The following ATP10A variants were observed in gnomAD, a reference collection of about 807,000 sequenced individuals.
ATP10A encodes the protein phospholipid-transporting ATPase VA.
ATP10A carries 111 observed loss-of-function variants against 147.8 expected under a neutral mutation model. The ratio of observed to expected loss-of-function variants is 0.75; its 90% confidence interval spans 0.64 to 0.88. ATP10A has a LOEUF of 0.88. Ranked by LOEUF, ATP10A falls within the 40% of genes least tolerant of loss-of-function variation. ATP10A has a pLI of 0.00. For synonymous variants in ATP10A, 875 were observed against 841.6 expected, an observed-to-expected ratio of 1.04 and a Z score of -0.69; for missense variants, 1,927 against 1,959.0, an observed-to-expected ratio of 0.98 and a Z score of 0.31.
chr15:25,855,421 A>C (rs1893469354), intron 1 of ATP10A, among the ~76,000 whole-genome samples: 1 of 152,224 alleles, frequency 6.6e-6, no homozygotes, highest in African/African-American at 2.4e-5. Context: ...GCCTTTGACA[A>C]AATCCAAAAT....
rs764238167 is a variant in ATP10A at position 25,713,995 on chromosome 15, C to T, written c.2023G>A (p.Asp675Asn). 1 of 1,609,878 alleles carries T rather than the reference C, an allele frequency of 6.2e-7. No homozygotes were observed. Among genetic ancestry groups the T allele is most frequent in the South Asian group, 1.1e-5 (1 of 91,078 alleles). ...IASNGYSSQA[D>N]NWASELAQEQ... is the part of the protein sequence containing the mutation. Reference sequence around the variant, plus strand: ...TGAGCAAGCTCCGAGGCCCAGTTGTCCGCCTGGCTGCTGTAGCCGTTGCTG... The same window carrying T: ...TGAGCAAGCTCCGAGGCCCAGTTGTTCGCCTGGCTGCTGTAGCCGTTGCTG... Residue 675 changes from aspartate to asparagine, a missense_variant, in exon 10 of 21, where the codon GAC becomes AAC. Coordinates refer to ENST00000555815, the MANE Select transcript of ATP10A (RefSeq NM_024490.4).
rs756427483 is a variant in ATP10A at position 25,727,250 on chromosome 15, T to G, written c.757A>C (p.Lys253Gln). ...FRGCIIHDNG[K>Q]KAGLYKENLL... ...TTTTCTTTATACAGCCCGGCCTTTT[T>G]CCCGTTGTCATGTATGCTGTAGAGG... Residue 253 changes from lysine to glutamine, a missense_variant, in exon 4 of 21, where the codon AAA becomes CAA. By Grantham distance (53) the Lys-to-Gln change is moderately conservative. Coordinates refer to ENST00000555815, the MANE Select transcript of ATP10A (RefSeq NM_024490.4). 4.3e-6 allele frequency: 7 copies of G among 1,613,972 alleles called. No individual in the cohort carries two copies. In the East Asian group the frequency reaches 1.6e-4, roughly 36 times the overall value.
At chr15:25,756,723 C>G (rs1261335241) in intron 2 of ATP10A, among the ~76,000 whole-genome samples, 1 of 152,204 alleles carries the variant, frequency 6.6e-6, no homozygotes, top group African/African-American at 2.4e-5. Context: ...CAGAACAACT[C>G]AAATGACTTT....
chr15:25,822,164 A>G (rs1483309793), intron 1 of ATP10A, among the ~76,000 whole-genome samples: 3 of 152,210 alleles, frequency 2.0e-5, no homozygotes, highest in Non-Finnish European at 4.4e-5. Flanking sequence ...GACAAGAAAA[A>G]AAGGTCTGTA....
In ATP10A at chr15:25,816,391, AAAGTGGAAAAATATGGAAAACC is replaced by A. The variant is rs530681033; in HGVS notation, c.450-35190_450-35169del. The stretch of plus-strand genomic sequence containing the variant: ...TTTTCTAGTTCAGTTTTTAAAATTA[AAAGTGGAAAAATATGGAAAACC>A]AAATGAAAAACTTTTTCCTTTCTGA... On this transcript the variant is annotated intron_variant, in intron 1 of 20. Transcript: ENST00000555815. Among the ~76,000 whole-genome samples the A allele has an allele frequency of 2.8e-3, 423 of 152,226 alleles. 1 individual carries two copies. The highest frequency in any genetic ancestry group is 9.8e-3 in the African/African-American group (407 of 41,528).
intron 1 of ATP10A, among the ~76,000 whole-genome samples, chr15:25,813,058 T>C (rs1891499226): frequency 6.6e-6 from 1 of 151,912 alleles, no homozygotes; most frequent in South Asian, 2.1e-4. Context: ...GCAGATGAAG[T>C]TTGTAAGGCA....
chr15:25,704,344 T>C (rs777400200), intron 12 of ATP10A, among the ~76,000 whole-genome samples: 5 of 152,204 alleles, frequency 3.3e-5, no homozygotes, highest in Admixed American at 2.0e-4. Flanking sequence ...GCTTGAAACA[T>C]AACCCAAGCA....
chr15:25,802,964 C>T (rs931875116), intron 1 of ATP10A, among the ~76,000 whole-genome samples: 5 of 152,192 alleles, frequency 3.3e-5, no homozygotes, highest in African/African-American at 1.2e-4. Context: ...CTGCATTTTA[C>T]ATATGAGGGT....
rs143082860 is a variant in ATP10A at position 25,802,580 on chromosome 15, C to T, written c.450-21357G>A. On this transcript the variant is annotated intron_variant, in intron 1 of 20. Coordinates refer to ENST00000555815, the MANE Select transcript of ATP10A (RefSeq NM_024490.4). ...CTCAGCTAAGGTGTCGGCAGGGCCA[C>T]GCTCCTTCCTGGAGTCTCAGCGGAG... 2.7e-3 allele frequency among the ~76,000 whole-genome samples: 416 copies of T among 152,316 alleles called. 4 individuals are homozygous for T. The highest frequency in any genetic ancestry group is 4.8e-3 in the Non-Finnish European group (326 of 68,026).
chr15:25,745,630 A>G (rs1461629900), intron 2 of ATP10A, among the ~76,000 whole-genome samples: 2 of 152,220 alleles, frequency 1.3e-5, no homozygotes, highest in Non-Finnish European at 2.9e-5. Context: ...ATGAAAAGCA[A>G]CAAAAACGGT....
At chr15:25,803,828 C>T (rs1026135875) in intron 1 of ATP10A, among the ~76,000 whole-genome samples, 4 of 152,236 alleles carry the variant, frequency 2.6e-5, no homozygotes, top group East Asian at 1.9e-4. Context: ...AACCGGGAGC[C>T]GCTGCTGCCC....
intron 2 of ATP10A, among the ~76,000 whole-genome samples, chr15:25,766,023 T>C (rs1288208713): frequency 2.6e-5 from 4 of 152,190 alleles, no homozygotes; most frequent in African/African-American, 9.7e-5. Context: ...TTAATTGGAC[T>C]TACAGTTCCA....
intron 1 of ATP10A, among the ~76,000 whole-genome samples, chr15:25,823,535 C>T (rs1255046099): frequency 6.6e-6 from 1 of 152,178 alleles, no homozygotes; most frequent in Admixed American, 6.5e-5. Flanking sequence ...CAGATACCCA[C>T]TATGTTGTAT....
chr15:25,761,916 T>G (rs1292285574), intron 2 of ATP10A, among the ~76,000 whole-genome samples: 1 of 152,158 alleles, frequency 6.6e-6, no homozygotes, highest in Non-Finnish European at 1.5e-5. Context: ...TGGCTGTGTT[T>G]TGAAATGTGA....
chr15:25,841,559 C>T (rs999431849), intron 1 of ATP10A: 65 of 137,660 alleles, frequency 4.7e-4, no homozygotes, highest in African/African-American at 1.7e-3. Flanking sequence ...TGTTTTTCCA[C>T]GTAGAATAAG....
At chr15:25,838,351 T>TA (rs1333201035) in intron 1 of ATP10A, among the ~76,000 whole-genome samples, 1 of 152,242 alleles carries the variant, frequency 6.6e-6, no homozygotes, top group Non-Finnish European at 1.5e-5. Flanking sequence ...GCCCAACCCT[T>TA]AGATTCCTTT....
intron 6 of ATP10A, among the ~76,000 whole-genome samples, chr15:25,723,636 G>A (rs1045321241): frequency 1.4e-4 from 22 of 151,828 alleles, no homozygotes; most frequent in African/African-American, 5.3e-4. Flanking sequence ...ACAACAAAAT[G>A]AAAACAGTGA....
chr15:25,770,215 G>C (rs1303983325), intron 2 of ATP10A, among the ~76,000 whole-genome samples: 1 of 151,228 alleles, frequency 6.6e-6, no homozygotes, highest in African/African-American at 2.5e-5. Flanking sequence ...GGCGAGGTGG[G>C]GAGGGGCCCC....
intron 2 of ATP10A, among the ~76,000 whole-genome samples, chr15:25,750,658 T>C (rs554843263): frequency 6.6e-6 from 1 of 152,162 alleles, no homozygotes; most frequent in South Asian, 2.1e-4. Context: ...CTGTAATATA[T>C]AAGCAAAATG....
Sources: gnomAD v4.1 joint callset for allele counts (sites outside exome capture counted in the v4.1 genomes callset) on GRCh38, gnomAD v4.1.1 for gene constraint, MANE v1.5 for transcripts, NCBI Gene and HGNC (gene_info 2026-07-23, HGNC 2026-07-21) for gene names.